The following SEC24D variants were observed in gnomAD, a reference collection of about 807,000 sequenced individuals.
SEC24D encodes SEC24 homolog D, COPII component, also known as protein transport protein Sec24D.
A neutral mutation model predicts 116.9 loss-of-function variants in SEC24D; 69 were observed. The ratio of observed to expected loss-of-function variants is 0.59; its 90% confidence interval spans 0.49 to 0.72. The LOEUF is 0.72. Among genes scored for constraint, SEC24D ranks in the 30% least tolerant of loss-of-function variants. The pLI, the probability that SEC24D is intolerant of heterozygous loss-of-function variation, is 0.00. For synonymous variants in SEC24D, 405 were observed against 442.8 expected (o/e 0.91, Z 1.07); for missense variants, 1,131 against 1,264.1 (o/e 0.89, Z 1.60).
At chr4:118,828,845 C>A (rs1462118031) in intron 2 of SEC24D, among the ~76,000 whole-genome samples, 1 of 152,206 alleles carries the variant, frequency 6.6e-6, no homozygotes, top group Non-Finnish European at 1.5e-5. Context: ...TTAAAATGAT[C>A]CCACATTCCC....
intron 8 of SEC24D, among the ~76,000 whole-genome samples, chr4:118,785,557 T>G (rs1728631967): frequency 6.6e-6 from 1 of 152,094 alleles, no homozygotes; most frequent in African/African-American, 2.4e-5. Context: ...GTGAAGGAGT[T>G]GAAGAAAAAT....
At position 118,752,058 on chromosome 4, in the gene SEC24D, C is replaced by T. The variant is rs752541779; in HGVS notation, c.1645G>A (p.Asp549Asn). ...LLDQIPDMFA[D>N]SNENETVFAP... Reference sequence around the variant, plus strand: ...AAGACAGTCTCATTTTCATTAGAGTCTGCAAACATGTCTGGAATCTGGTCC... The same window carrying T: ...AAGACAGTCTCATTTTCATTAGAGTTTGCAAACATGTCTGGAATCTGGTCC... The change falls in exon 13 of 23, where the codon GAC (aspartate) becomes AAC (asparagine). Residue 549 changes from aspartate to asparagine, a missense_variant. By Grantham distance (23) the Asp-to-Asn change is conservative (BLOSUM62 1). Coordinates refer to ENST00000280551, the MANE Select transcript of SEC24D (RefSeq NM_014822.4). 1.2e-6 allele frequency: 2 copies of T among 1,612,950 alleles called. No individual in the cohort carries two copies. Among genetic ancestry groups the T allele is most frequent in the African/African-American group, 1.3e-5 (1 of 74,888 alleles).
chr4:118,801,742 A>T (rs1404047522), intron 7 of SEC24D, among the ~76,000 whole-genome samples: 1 of 152,222 alleles, frequency 6.6e-6, no homozygotes, highest in African/African-American at 2.4e-5. Flanking sequence ...TGAGCTCTAA[A>T]GGTGACTAAA....
chr4:118,827,833 G>A (rs910725610), intron 2 of SEC24D, among the ~76,000 whole-genome samples: 12 of 152,110 alleles, frequency 7.9e-5, no homozygotes, highest in African/African-American at 2.7e-4. Context: ...TCCACTAAAG[G>A]GGACTGTTAT....
intron 3 of SEC24D, among the ~76,000 whole-genome samples, chr4:118,818,106 G>A (rs763007729): frequency 2.6e-5 from 4 of 151,954 alleles, no homozygotes; most frequent in African/African-American, 4.8e-5. Flanking sequence ...CTTATTAGAC[G>A]TTTATTTTTT....
intron 17 of SEC24D, among the ~76,000 whole-genome samples, chr4:118,739,556 T>C (rs1726134868): frequency 6.6e-6 from 1 of 152,232 alleles, no homozygotes; most frequent in African/African-American, 2.4e-5. Context: ...TTCACATTTC[T>C]ACAACTAGTC....
intron 8 of SEC24D, among the ~76,000 whole-genome samples, chr4:118,797,445 TTAC>T (rs1729228043): frequency 6.6e-6 from 1 of 152,204 alleles, no homozygotes; most frequent in African/African-American, 2.4e-5. Flanking sequence ...TATGTGTGCA[TTAC>T]TACAATACGC....
Position 118,757,830 on chromosome 4 carries a change from T to C in SEC24D, c.1312A>G (p.Asn438Asp), listed in dbSNP as rs1560647302. 2 of 1,609,104 alleles carry C rather than the reference T, an allele frequency of 1.2e-6. No homozygotes were observed. The highest frequency in any genetic ancestry group is 1.7e-6 in the Non-Finnish European group (2 of 1,178,148). Residue 438 changes from asparagine to aspartate, a missense_variant, in exon 11 of 23, where the codon AAC becomes GAC. Physicochemically the swap from Asn to Asp is conservative, Grantham distance 23. Transcript: ENST00000280551. Reference protein sequence around the residue: ...LDYCRKSKPPNPPAFIFMIDV... With the variant: ...LDYCRKSKPPDPPAFIFMIDV... ...ATCATGAAGATAAAGGCTGGTGGGT[T>C]GGGAGGCTTACTCTTCTATAGGAAA... is the stretch of plus-strand genomic sequence containing the variant.
At chr4:118,790,206 T>C (rs1728836462) in intron 8 of SEC24D, among the ~76,000 whole-genome samples, 1 of 152,206 alleles carries the variant, frequency 6.6e-6, no homozygotes, top group Non-Finnish European at 1.5e-5. Flanking sequence ...GCAAGGAAAT[T>C]ACTTTGACTA....
At chr4:118,816,109 T>G (rs1730136503) in intron 4 of SEC24D, among the ~76,000 whole-genome samples, 1 of 111,502 alleles carries the variant, frequency 9.0e-6, no homozygotes, top group Non-Finnish European at 2.0e-5. Flanking sequence ...TTTTTTTTTT[T>G]GTAGAGTTGG....
intron 8 of SEC24D, among the ~76,000 whole-genome samples, chr4:118,783,875 A>G (rs1289806346): frequency 6.6e-6 from 1 of 152,220 alleles, no homozygotes; most frequent in African/African-American, 2.4e-5. Context: ...ATAGGGCTCT[A>G]AAGGTCACAC....
chr4:118,725,954 G>A (rs530881935), intron 22 of SEC24D, among the ~76,000 whole-genome samples: 3 of 152,078 alleles, frequency 2.0e-5, no homozygotes, highest in Admixed American at 6.6e-5. Flanking sequence ...TTATTTCCCC[G>A]CTTTACATTT....
At chr4:118,820,109 C>CT (rs1203966063) in intron 3 of SEC24D, among the ~76,000 whole-genome samples, 1 of 151,768 alleles carries the variant, frequency 6.6e-6, no homozygotes, top group African/African-American at 2.4e-5. Context: ...TAACAAACCC[C>CT]TCATATAAAT....
chr4:118,739,058 T>C, intron 18 of SEC24D, 91 bp downstream of exon 18: 1 of 1,242,580 alleles, frequency 8.0e-7, no homozygotes. Context: ...CACCATAAGG[T>C]TGCAAAACTA....
intron 2 of SEC24D, among the ~76,000 whole-genome samples, chr4:118,829,805 T>C (rs1265524044): frequency 1.3e-5 from 2 of 150,210 alleles, no homozygotes; most frequent in Non-Finnish European, 3.0e-5. Flanking sequence ...AGAGCGAAAC[T>C]CCGTCTCAAA....
chr4:118,817,174 T>TA, intron 4 of SEC24D, 90 bp downstream of exon 4: 1 of 1,080,162 alleles, frequency 9.3e-7, no homozygotes, highest in Non-Finnish European at 1.3e-6. Flanking sequence ...ATGCCCTAGT[T>TA]ACATCTATTT....
At chr4:118,823,463 G>A (rs1159021874) in intron 3 of SEC24D, among the ~76,000 whole-genome samples, 3 of 152,136 alleles carry the variant, frequency 2.0e-5, no homozygotes, top group African/African-American at 7.2e-5. Context: ...AGGATCTACA[G>A]TCACATCTAG....
chr4:118,738,809 C>G (rs1726092558), intron 18 of SEC24D, among the ~76,000 whole-genome samples: 1 of 152,148 alleles, frequency 6.6e-6, no homozygotes, highest in Non-Finnish European at 1.5e-5. Context: ...CAAGTTTAGT[C>G]TAACATTAGA....
chr4:118,812,165 A>G (rs1244148857), intron 6 of SEC24D, among the ~76,000 whole-genome samples: 1 of 152,190 alleles, frequency 6.6e-6, no homozygotes. Context: ...TTCCTCATCA[A>G]CAGATGGGTA....
Sources: allele counts gnomAD v4.1 joint callset (sites outside exome capture counted in the v4.1 genomes callset), GRCh38; gene constraint gnomAD v4.1.1; transcripts MANE v1.5; gene names NCBI Gene and HGNC (gene_info 2026-07-23, HGNC 2026-07-21).